The following PRADC1 variants were observed in gnomAD, a reference collection of about 807,000 sequenced individuals.
The protein encoded by PRADC1 is protease-associated domain-containing protein 1.
In PRADC1, 23 loss-of-function variants were observed where a neutral mutation model predicts 22.9. That is an observed-to-expected ratio of 1.00 (90% CI 0.72 to 1.42). The LOEUF is 1.42. Among genes scored for constraint, PRADC1 ranks in the 40% most tolerant of loss-of-function variants. The pLI is 0.00. For missense variants in PRADC1, 207 were observed against 258.3 expected (o/e 0.80, Z 1.36); for synonymous variants, 71 against 100.3 (o/e 0.71, Z 1.75).
In PRADC1 at chr2:73,228,260, A is replaced by C. The variant is rs1040933846; in HGVS notation, c.*194T>G. The C allele has an allele frequency of 1.3e-5, 8 of 636,612 alleles. No individual in the cohort carries two copies. The highest frequency in any genetic ancestry group is 3.7e-5 in the African/African-American group (2 of 54,266). 39.4% of individuals were successfully genotyped at this position (636,612 alleles called of 1,614,324 possible). On this transcript the variant is annotated 3_prime_UTR_variant, in exon 5 of 5. Coordinates refer to ENST00000258083, the MANE Select transcript of PRADC1 (RefSeq NM_032319.3). This position sits in a 1 kb window ranked among gnomAD's most constrained non-coding sequence, Gnocchi z 4.0. ...CTCTTGCCTCTTCTTGTAGCATGAGACACCCTTGGGGGCCCTGGGGAAGGG... is the reference window on the plus strand; with the variant it reads ...CTCTTGCCTCTTCTTGTAGCATGAGCCACCCTTGGGGGCCCTGGGGAAGGG...
intron 2 of PRADC1, 141 bp downstream of exon 2, chr2:73,229,972 T>C: frequency 3.1e-6 from 2 of 649,262 alleles, no homozygotes; most frequent in Non-Finnish European, 5.5e-6. Flanking sequence ...GCTTCCTTTC[T>C]GTGCTGCAGC....
chr2:73,228,952 A>G lies in PRADC1; in HGVS notation c.289T>C (p.Phe97Leu). 6.2e-7 allele frequency: 1 copy of G among 1,613,928 alleles called. No individual in the cohort carries two copies. Among genetic ancestry groups the G allele is most frequent in the African/African-American group, 1.3e-5 (1 of 75,046 alleles). Residue 97 changes from phenylalanine to leucine, a missense_variant, in exon 4 of 5, where the codon TTC (phenylalanine) becomes CTC (leucine). By Grantham distance (22) the Phe-to-Leu change is conservative. Transcript: ENST00000258083. This position sits in a 1 kb window ranked among gnomAD's most constrained non-coding sequence, Gnocchi z 4.0. ...TGGACCACCCGAGTCTTGGAGAGGA[A>G]GGAGCAGCCCCTGGAAGAGGTGGTG... is the stretch of plus-strand genomic sequence containing the variant. ...IALVERGGCS[F>L]LSKTRVVQEH... is the part of the protein sequence containing the mutation.
intron 3 of PRADC1, 85 bp from the exon 4 acceptor site, chr2:73,229,047 A>G: frequency 8.4e-7 from 1 of 1,184,166 alleles, no homozygotes; most frequent in Non-Finnish European, 1.2e-6. Flanking sequence ...TATAGAAGGC[A>G]GACTATGAAG....
chr2:73,230,346 A>C, intron 1 of PRADC1, 133 bp from the exon 2 acceptor site: 1 of 655,392 alleles, frequency 1.5e-6, no homozygotes. Context: ...AACGGGGTCC[A>C]CTAGTGGCAG....
rs575393689 is a variant in PRADC1, at chr2:73,229,635, C to T, written c.169-65G>A. ...GAGACACACCTGCTTTAGGACTGGG[C>T]TGACAATCCCATCTTATTGGCACCT... On this transcript the variant is annotated intron_variant, in intron 2 of 4. Transcript: ENST00000258083. 7.3e-6 allele frequency: 9 copies of T among 1,229,680 alleles called. No individual in the cohort carries two copies. The South Asian group carries it at 9.7e-5, about 13-fold the overall frequency. The allele number at this position is 1,229,680 out of a possible 1,614,324, so 76.2% of individuals were successfully genotyped here.
In PRADC1 at chr2:73,228,492, TG is replaced by T; in HGVS notation, c.528del (p.Thr177ProfsTer22). 6.2e-7 allele frequency: 1 copy of T among 1,613,952 alleles called. No homozygotes were observed. Among genetic ancestry groups the T allele is most frequent in the Non-Finnish European group, 8.5e-7 (1 of 1,179,976 alleles). The stretch of plus-strand genomic sequence containing the variant: ...CAGGGCGGTTGCAGCAGCTCAAAGG[TG>T]GGGATGCTGGTGACATTGACTGGGA... ...ISIPVNVTSI[P>X]TFELLQPPWT... is the part of the protein sequence containing the mutation. On this transcript the variant is annotated frameshift_variant, in exon 5 of 5. Transcript: ENST00000258083. LOFTEE classifies it high-confidence loss of function. The surrounding 1 kb of genome is among the most constrained non-coding windows in gnomAD (Gnocchi z 4.0).
rs1021076906 is a variant in PRADC1, at chr2:73,228,356, G to A, written c.*98C>T. The A allele has an allele frequency of 6.7e-6, 10 of 1,482,268 alleles. No homozygotes were observed. Among genetic ancestry groups the A allele is most frequent in the Non-Finnish European group, 8.3e-6 (9 of 1,083,116 alleles). 91.8% of individuals were successfully genotyped at this position (1,482,268 alleles called of 1,614,324 possible). ...CCTTTTCCTCTACCTGGCTCCACTT[G>A]TCCCCAGATGCTATCTCCAAATTCC... On this transcript the variant is annotated 3_prime_UTR_variant, in exon 5 of 5. Coordinates refer to ENST00000258083, the MANE Select transcript of PRADC1 (RefSeq NM_032319.3). This position sits in a 1 kb window ranked among gnomAD's most constrained non-coding sequence, Gnocchi z 4.0.
Position 73,229,406 on chromosome 2 carries a change from T to G in PRADC1, c.278+55A>C, listed in dbSNP as rs536204187. On this transcript the variant is annotated intron_variant, in intron 3 of 4. Transcript: ENST00000258083. ...TTTCAAAGCACTACTACCAATAATC[T>G]CAGAATCTGCCGTATGCCTGCCCAC... is the stretch of plus-strand genomic sequence containing the variant. 430 of 1,167,346 alleles carry G rather than the reference T, an allele frequency of 3.7e-4. 4 individuals are homozygous for G. In the South Asian group the frequency reaches 5.1e-3, roughly 14 times the overall value. The allele number at this position is 1,167,346 out of a possible 1,614,324, so 72.3% of individuals were successfully genotyped here. A position where few individuals can be genotyped will look rare whatever the true frequency, so the allele number is the denominator to read the frequency against.
chr2:73,228,288 G>A lies in PRADC1; in HGVS notation c.*166C>T. On this transcript the variant is annotated 3_prime_UTR_variant, in exon 5 of 5. Transcript: ENST00000258083. This position sits in a 1 kb window ranked among gnomAD's most constrained non-coding sequence, Gnocchi z 4.0. ...CCCTTGGGGGCCCTGGGGAAGGGAA[G>A]GCCAGTGGTGTGGCTTCCCTTTCAG... The A allele has an allele frequency of 1.2e-6, 1 of 804,618 alleles. No homozygotes were observed. Among genetic ancestry groups the A allele is most frequent in the Non-Finnish European group, 2.0e-6 (1 of 509,274 alleles). 49.8% of individuals were successfully genotyped at this position (804,618 alleles called of 1,614,324 possible).
chr2:73,230,350 G>A, intron 1 of PRADC1, 137 bp from the exon 2 acceptor site: 1 of 649,158 alleles, frequency 1.5e-6, no homozygotes, highest in Non-Finnish European at 2.8e-6. Flanking sequence ...GGGTCCACTA[G>A]TGGCAGGGTT....
intron 3 of PRADC1, among the ~76,000 whole-genome samples, 168 bp from the exon 4 acceptor site, chr2:73,229,130 C>CT (rs368349409): frequency 3.2e-4 from 49 of 151,094 alleles, no homozygotes; most frequent in African/African-American, 9.5e-4. Context: ...TTTCCTTTTT[C>CT]TTTTTTTTTG....
Position 73,228,310 on chromosome 2 carries a change from T to C in PRADC1, c.*144A>G. On this transcript the variant is annotated 3_prime_UTR_variant, in exon 5 of 5. Coordinates refer to ENST00000258083, the MANE Select transcript of PRADC1 (RefSeq NM_032319.3). This position sits in a 1 kb window ranked among gnomAD's most constrained non-coding sequence, Gnocchi z 4.0. Reference sequence around the variant, plus strand: ...GAAGGCCAGTGGTGTGGCTTCCCTTTCAGCCTAGCAACGCCCAAACCCTTT... The same window carrying C: ...GAAGGCCAGTGGTGTGGCTTCCCTTCCAGCCTAGCAACGCCCAAACCCTTT... 4 of 1,040,782 alleles carry C rather than the reference T, an allele frequency of 3.8e-6. No homozygotes were observed. Among genetic ancestry groups the C allele is most frequent in the Non-Finnish European group, 5.6e-6 (4 of 712,644 alleles). The allele number at this position is 1,040,782 out of a possible 1,614,324, so 64.5% of individuals were successfully genotyped here.
intron 1 of PRADC1, among the ~76,000 whole-genome samples, chr2:73,230,769 A>G (rs184370216): frequency 6.6e-6 from 1 of 152,142 alleles, no homozygotes; most frequent in Non-Finnish European, 1.5e-5. Flanking sequence ...TAAAATTTAA[A>G]CTCTTTTTAA....
intron 2 of PRADC1, chr2:73,229,833 C>A: frequency 1.7e-6 from 1 of 586,688 alleles, no homozygotes; most frequent in Non-Finnish European, 3.0e-6. Flanking sequence ...CCTTAAGTCA[C>A]ATAGTTCACA....
At chr2:73,229,061 CTG>C (rs1686577423) in intron 3 of PRADC1, 99 bp from the exon 4 acceptor site, 11 of 1,051,820 alleles carry the variant, frequency 1.0e-5, no homozygotes, top group Non-Finnish European at 1.5e-5. Context: ...TATGAAGAAT[CTG>C]TTATAAAGGC....
At chr2:73,229,027 A>C in intron 3 of PRADC1, 65 bp from the exon 4 acceptor site, 2 of 1,448,236 alleles carry the variant, frequency 1.4e-6, no homozygotes, top group East Asian at 4.6e-5. Flanking sequence ...CCAGACCATC[A>C]CCCTGGGAGT....
chr2:73,228,723 C>A lies in PRADC1; in HGVS notation c.446+72G>T. The stretch of plus-strand genomic sequence containing the variant: ...CCAAGTTGAGGCCTGCAAGAAGGGA[C>A]TGGTGATTACCCCTGACCCAGTCAT... On this transcript the variant is annotated intron_variant, in intron 4 of 4. Coordinates refer to ENST00000258083, the MANE Select transcript of PRADC1 (RefSeq NM_032319.3). The surrounding 1 kb of genome is among the most constrained non-coding windows in gnomAD (Gnocchi z 4.0). The A allele has an allele frequency of 6.3e-7, 1 of 1,585,500 alleles. No individual in the cohort carries two copies. Among genetic ancestry groups the A allele is most frequent in the Non-Finnish European group, 8.6e-7 (1 of 1,162,560 alleles).
chr2:73,229,420 ATGCCTGCCCACTCCTCGTGTCC>A lies in PRADC1; in HGVS notation c.278+19_278+40del, dbSNP rs144403534. ...TACCAATAATCTCAGAATCTGCCGT[ATGCCTGCCCACTCCTCGTGTCC>A]TGCCTGCCCACTCCTTACCCCCTCT... On this transcript the variant is annotated intron_variant, in intron 3 of 4. Coordinates refer to ENST00000258083, the MANE Select transcript of PRADC1 (RefSeq NM_032319.3). The A allele has an allele frequency of 2.7e-5, 36 of 1,311,742 alleles. No individual in the cohort carries two copies. Among genetic ancestry groups the A allele is most frequent in the South Asian group, 4.7e-5 (4 of 85,348 alleles). 81.3% of individuals were successfully genotyped at this position (1,311,742 alleles called of 1,614,324 possible).
Position 73,228,464 on chromosome 2 carries a change from G to A in PRADC1, c.557C>T (p.Thr186Ile), listed in dbSNP as rs751533659. Residue 186 changes from threonine (T) to isoleucine (I), a missense_variant, in exon 5 of 5, where the codon ACC becomes ATC. Thr to Ile is a moderately conservative substitution (Grantham distance 89). Transcript: ENST00000258083. The surrounding 1 kb of genome is among the most constrained non-coding windows in gnomAD (Gnocchi z 4.0). ...PTFELLQPPW[T>I]FW is the part of the protein sequence containing the mutation. ...GTGGGACAAACTCTTCTACCAGAAG[G>A]TCCAGGGCGGTTGCAGCAGCTCAAA... 10 of 1,613,998 alleles carry A rather than the reference G, an allele frequency of 6.2e-6. No homozygotes were observed. The highest frequency in any genetic ancestry group is 5.9e-6 in the Non-Finnish European group (7 of 1,180,026).
Sources: allele counts gnomAD v4.1 joint callset (sites outside exome capture counted in the v4.1 genomes callset), GRCh38; gene constraint gnomAD v4.1.1; non-coding constraint Gnocchi (gnomAD v3.1); transcripts MANE v1.5; gene names NCBI Gene and HGNC (gene_info 2026-07-23, HGNC 2026-07-21).